Variants in CLIC2 observed in about 807,000 individuals in gnomAD.
CLIC2 encodes CLIC family member 2, also known as chloride intracellular channel protein 2.
A neutral mutation model predicts 14.8 loss-of-function variants in CLIC2; 9 were observed. That is an observed-to-expected ratio of 0.61 (90% CI 0.37 to 1.06). The LOEUF (loss-of-function observed/expected upper bound fraction) is 1.06, where lower values mean the gene tolerates loss of function less well. CLIC2 is among the 50% of genes least tolerant of loss of function. CLIC2 has a pLI of 0.01. For missense variants in CLIC2, 148 were observed against 181.4 expected (o/e 0.82, Z 1.06); for synonymous variants, 61 against 66.3 (o/e 0.92, Z 0.39).
In CLIC2 at chrX:155,334,515, T is replaced by G; in HGVS notation, c.-88A>C. The G allele has an allele frequency of 2.5e-6, 2 of 795,782 alleles. No individual in the cohort carries two copies. The highest frequency in any genetic ancestry group is 3.9e-6 in the Non-Finnish European group (2 of 518,481). The allele number at this position is 795,782 out of a possible 1,213,427, so 65.6% of individuals were successfully genotyped here. ...TCTTTTCTCAATTTTATCCAAAGAC[T>G]CAAGTAATGTTGGTGCTTTAAGAAG... On this transcript the variant is annotated 5_prime_UTR_variant, in exon 1 of 6. Coordinates refer to ENST00000369449, the MANE Select transcript of CLIC2 (RefSeq NM_001289.6).
In CLIC2 at chrX:155,303,133, C is replaced by A. The variant is rs1450032439; in HGVS notation, c.58-3988G>T. Among the ~76,000 whole-genome samples, 48 of 93,533 alleles carry A rather than the reference C, an allele frequency of 5.1e-4. No homozygotes were observed. The Middle Eastern group carries it at 0.017, about 33-fold the overall frequency. 81.2% of individuals were successfully genotyped at this position (93,533 alleles called of 115,157 possible). On this transcript the variant is annotated intron_variant, in intron 1 of 5. Coordinates refer to ENST00000369449, the MANE Select transcript of CLIC2 (RefSeq NM_001289.6). ...GAGCCGAGTTCAATTCCTGGGTATC[C>A]TTGTTGACTTTCTGTCTCGTTGATC...
chrX:155,303,458 T>C (rs1439693380), intron 1 of CLIC2, among the ~76,000 whole-genome samples: 2 of 95,878 alleles, frequency 2.1e-5, no homozygotes, highest in Non-Finnish European at 4.2e-5. Context: ...TCCTTTTATT[T>C]TGAGCCTATG....
chrX:155,291,217 C>G (rs782041850), intron 3 of CLIC2: 622 of 974,008 alleles, frequency 6.4e-4, no homozygotes, highest in Non-Finnish European at 8.8e-4. Flanking sequence ...ACAAAGGAAT[C>G]ATAATCGTTA....
intron 3 of CLIC2, among the ~76,000 whole-genome samples, chrX:155,285,959 C>T (rs1557317047): frequency 9.2e-6 from 1 of 108,787 alleles, no homozygotes; most frequent in Non-Finnish European, 1.9e-5. Context: ...GAGGAGGCCC[C>T]CCAAAAACCA....
intron 1 of CLIC2, among the ~76,000 whole-genome samples, chrX:155,316,069 T>C (rs2075094059): frequency 1.8e-5 from 2 of 111,286 alleles, no homozygotes; most frequent in African/African-American, 6.5e-5. Flanking sequence ...AATATCACAA[T>C]CCTAAATATA....
chrX:155,320,848 C>T (rs782575083), intron 1 of CLIC2, among the ~76,000 whole-genome samples: 1 of 111,187 alleles, frequency 9.0e-6, no homozygotes, highest in South Asian at 3.8e-4. Context: ...ACTAGAAAAA[C>T]CAGTATAGAG....
intron 1 of CLIC2, among the ~76,000 whole-genome samples, chrX:155,301,118 G>A (rs1477204872): frequency 1.4e-4 from 10 of 72,522 alleles, no homozygotes; most frequent in African/African-American, 4.3e-4. Flanking sequence ...TGTGAAGAAA[G>A]GCATTGGTAG....
At chrX:155,291,524 C>G (rs924513709) in intron 3 of CLIC2, among the ~76,000 whole-genome samples, 1 of 112,005 alleles carries the variant, frequency 8.9e-6, no homozygotes, top group Non-Finnish European at 1.9e-5. Flanking sequence ...TCTTGCCTCA[C>G]TGCTCTGGCT....
At chrX:155,306,424 G>A (rs1391841171) in intron 1 of CLIC2, among the ~76,000 whole-genome samples, 2 of 111,509 alleles carry the variant, frequency 1.8e-5, no homozygotes, top group African/African-American at 6.5e-5. Flanking sequence ...CATGCTTCTT[G>A]TAATATCTGC....
intron 1 of CLIC2, among the ~76,000 whole-genome samples, chrX:155,313,951 C>A (rs1316270339): frequency 1.8e-5 from 2 of 111,347 alleles, no homozygotes; most frequent in Non-Finnish European, 3.8e-5. Flanking sequence ...TATGACTCAG[C>A]AGAGGCAGCT....
intron 1 of CLIC2, among the ~76,000 whole-genome samples, chrX:155,327,268 G>T (rs781839632): frequency 2.7e-5 from 3 of 110,990 alleles, no homozygotes; most frequent in Non-Finnish European, 5.7e-5. Flanking sequence ...AAAATAGTTT[G>T]CAAAACAATG....
intron 1 of CLIC2, among the ~76,000 whole-genome samples, chrX:155,330,648 A>G (rs958242398): frequency 2.7e-5 from 3 of 111,484 alleles, no homozygotes; most frequent in Non-Finnish European, 5.7e-5. Flanking sequence ...ACCTATGAAA[A>G]TAGAGAAGTT....
intron 1 of CLIC2, among the ~76,000 whole-genome samples, chrX:155,331,010 C>T (rs782592523): frequency 9.0e-6 from 1 of 110,559 alleles, no homozygotes; most frequent in Non-Finnish European, 1.9e-5. Flanking sequence ...ATTTTCTTTC[C>T]CTGATAGTGG....
chrX:155,299,720 TC>T (rs1469797554), intron 1 of CLIC2, among the ~76,000 whole-genome samples: 1 of 60,189 alleles, frequency 1.7e-5, no homozygotes, highest in Non-Finnish European at 3.0e-5. Flanking sequence ...ATGTTATCCC[TC>T]CCCCCTCCCC....
intron 1 of CLIC2, among the ~76,000 whole-genome samples, chrX:155,318,989 G>A (rs782009757): frequency 1.8e-5 from 2 of 111,666 alleles, no homozygotes; most frequent in Admixed American, 9.5e-5. Context: ...AAATAATGTC[G>A]GGATAATTGG....
rs189468546 is a variant in CLIC2, at chrX:155,279,893, A to G, written c.400+69T>C. Reference sequence around the variant, plus strand: ...CAAAATATACTATATATTCAGGAAAATTCTATTTTTGCTGAGTGAGAAGAT... The same window carrying G: ...CAAAATATACTATATATTCAGGAAAGTTCTATTTTTGCTGAGTGAGAAGAT... On this transcript the variant is annotated intron_variant, in intron 4 of 5. Transcript: ENST00000369449. The G allele has an allele frequency of 4.3e-5, 33 of 763,736 alleles. No homozygotes were observed. In the Admixed American group the frequency reaches 7.2e-4, roughly 17 times the overall value. The allele number at this position is 763,736 out of a possible 1,213,427, so 62.9% of individuals were successfully genotyped here.
At chrX:155,326,793 G>A (rs1417577848) in intron 1 of CLIC2, among the ~76,000 whole-genome samples, 1 of 111,532 alleles carries the variant, frequency 9.0e-6, no homozygotes, top group Non-Finnish European at 1.9e-5. Flanking sequence ...CTTGGATGAA[G>A]TTCCAGGGAA....
At chrX:155,290,486 T>C in intron 3 of CLIC2, 1 of 537,816 alleles carries the variant, frequency 1.9e-6, no homozygotes, top group Non-Finnish European at 3.4e-6. Flanking sequence ...TCATTGTCTA[T>C]CTCAATCTTT....
At chrX:155,318,139 C>T (rs1413079018) in intron 1 of CLIC2, among the ~76,000 whole-genome samples, 4 of 111,439 alleles carry the variant, frequency 3.6e-5, no homozygotes, top group African/African-American at 1.3e-4. Flanking sequence ...CCCCTGAGAA[C>T]TGGAACAAGA....
Sources: gnomAD v4.1 joint callset for allele counts (sites outside exome capture counted in the v4.1 genomes callset) on GRCh38, gnomAD v4.1.1 for gene constraint, MANE v1.5 for transcripts, NCBI Gene and HGNC (gene_info 2026-07-23, HGNC 2026-07-21) for gene names.